Variants in TXNDC11 observed in about 807,000 individuals in gnomAD.
TXNDC11 encodes the protein thioredoxin domain containing 11, also known as thioredoxin domain-containing protein 11.
In TXNDC11, 68 loss-of-function variants were observed where a neutral mutation model predicts 78.0. The observed-to-expected ratio is 0.87, with a 90% CI of 0.72 to 1.07. The LOEUF is 1.07. TXNDC11 is among the 50% of genes least tolerant of loss of function. TXNDC11 has a pLI of 0.00. For missense variants in TXNDC11, 1,389 were observed against 1,221.8 expected, an observed-to-expected ratio of 1.14 and a Z score of -2.04; for synonymous variants, 571 against 495.2, an observed-to-expected ratio of 1.15 and a Z score of -2.03.
At chr16:11,716,495 G>A (rs1036910574) in intron 5 of TXNDC11, among the ~76,000 whole-genome samples, 2 of 152,132 alleles carry the variant, frequency 1.3e-5, no homozygotes, top group African/African-American at 4.8e-5. Flanking sequence ...AAGTACAAGA[G>A]AGCTGATTTC....
At position 11,698,247 on chromosome 16, in the gene TXNDC11, GA is replaced by G; in HGVS notation, c.984del (p.Arg329GlyfsTer13). 6.2e-7 allele frequency: 1 copy of G among 1,614,152 alleles called. No homozygotes were observed. On this transcript the variant is annotated frameshift_variant, in exon 7 of 12. Coordinates refer to ENST00000283033, the MANE Select transcript of TXNDC11 (RefSeq NM_015914.7). LOFTEE classifies it high-confidence loss of function. ...KWALENQETL[F>X]RWLRPHGGKS... The stretch of plus-strand genomic sequence containing the variant: ...TTGCCTCCGTGTGGCCGCAGCCACC[GA>G]AAGAGCGTCTCCTGGTTTTCTAAGG...
At chr16:11,729,879 T>C (rs890861553) in intron 4 of TXNDC11, among the ~76,000 whole-genome samples, 1 of 151,996 alleles carries the variant, frequency 6.6e-6, no homozygotes, top group Non-Finnish European at 1.5e-5. Context: ...GAAGATCACT[T>C]GAGGCCCAGA....
intron 7 of TXNDC11, among the ~76,000 whole-genome samples, chr16:11,695,788 T>G (rs2050842127): frequency 6.6e-6 from 1 of 152,044 alleles, no homozygotes; most frequent in Non-Finnish European, 1.5e-5. Flanking sequence ...ATCCCAACAC[T>G]TTAGGAGGCC....
At chr16:11,688,601 G>C in intron 8 of TXNDC11, 156 bp from the exon 9 acceptor site, 2 of 600,104 alleles carry the variant, frequency 3.3e-6, no homozygotes, top group East Asian at 5.6e-5. Flanking sequence ...AAGCTGCCCG[G>C]GTGGCATCAG....
intron 4 of TXNDC11, among the ~76,000 whole-genome samples, chr16:11,727,395 C>G (rs2051914852): frequency 6.6e-6 from 1 of 151,996 alleles, no homozygotes; most frequent in East Asian, 1.9e-4. Flanking sequence ...TATTTTGACC[C>G]AATTTTGATA....
intron 4 of TXNDC11, among the ~76,000 whole-genome samples, chr16:11,722,314 C>T (rs1232065177): frequency 6.6e-6 from 1 of 152,184 alleles, no homozygotes; most frequent in African/African-American, 2.4e-5. Flanking sequence ...TTCATTTCCA[C>T]CTGCTCATTC....
intron 5 of TXNDC11, chr16:11,703,698 C>T (rs2051098762): frequency 1.4e-6 from 1 of 702,444 alleles, no homozygotes; most frequent in East Asian, 2.7e-5. Context: ...TTTCTAAATG[C>T]CATTCTCCAG....
In TXNDC11 at chr16:11,736,174, G is replaced by A; in HGVS notation, c.314C>T (p.Ser105Phe). The change falls in exon 2 of 12, where the codon TCT becomes TTT. Residue 105 changes from serine (S) to phenylalanine (F), a missense_variant. Physicochemically the swap from Ser to Phe is radical, Grantham distance 155 (BLOSUM62 -2). Coordinates refer to ENST00000283033, the MANE Select transcript of TXNDC11 (RefSeq NM_015914.7). The part of the protein sequence containing the change: ...KPPVSFFSLR[S>F]PVLDLFQGQL... ...CCCCTGGAAGAGGTCAAGGACTGGA[G>A]ACCTCAAGGAGAAAAAGCTGACAGG... is the stretch of plus-strand genomic sequence containing the variant. 6 of 1,614,142 alleles carry A rather than the reference G, an allele frequency of 3.7e-6. No individual in the cohort carries two copies. Among genetic ancestry groups the A allele is most frequent in the Non-Finnish European group, 4.2e-6 (5 of 1,180,010 alleles).
At chr16:11,688,161 A>T in intron 9 of TXNDC11, 142 bp downstream of exon 9, 1 of 997,240 alleles carries the variant, frequency 1.0e-6, no homozygotes, top group Non-Finnish European at 1.5e-6. Context: ...AACCACATGT[A>T]ATTCATTCAC....
At chr16:11,735,142 G>T (rs2052182665) in intron 2 of TXNDC11, among the ~76,000 whole-genome samples, 1 of 152,226 alleles carries the variant, frequency 6.6e-6, no homozygotes, top group Non-Finnish European at 1.5e-5. Context: ...ACTGAGAGCA[G>T]AAAGGGCTTT....
In TXNDC11 at chr16:11,730,653, T is replaced by G. The variant is rs140898293; in HGVS notation, c.691A>C (p.Asn231His). The G allele has an allele frequency of 6.2e-7, 1 of 1,613,502 alleles. No homozygotes were observed. The highest frequency in any genetic ancestry group is 8.5e-7 in the Non-Finnish European group (1 of 1,179,642). Residue 231 changes from asparagine (N) to histidine (H), a missense_variant, in exon 4 of 12, where the codon AAC (asparagine) becomes CAC (histidine). Transcript: ENST00000283033. ...ATATGAAAGACAAGTACCTCGTAGT[T>G]TGAGAGAAAATCTAGTAATTCTGAT... is the stretch of plus-strand genomic sequence containing the variant. ...SQSELLDFLSNYEPGVLGYFE... is the reference protein window; with the variant it reads ...SQSELLDFLSHYEPGVLGYFE...
At chr16:11,741,429 C>T (rs565051830) in intron 1 of TXNDC11, among the ~76,000 whole-genome samples, 31 of 152,280 alleles carry the variant, frequency 2.0e-4, no homozygotes, top group Non-Finnish European at 4.1e-4. Context: ...ACACCCCAGC[C>T]TACTGTCAGG....
chr16:11,723,397 C>T (rs1003686961), intron 4 of TXNDC11, among the ~76,000 whole-genome samples: 1 of 152,048 alleles, frequency 6.6e-6, no homozygotes, highest in Admixed American at 6.6e-5. Context: ...CCAGCCTGGC[C>T]GATATGGTGG....
intron 1 of TXNDC11, among the ~76,000 whole-genome samples, chr16:11,740,906 CAG>C (rs1443384113): frequency 3.9e-5 from 6 of 152,180 alleles, no homozygotes; most frequent in African/African-American, 1.4e-4. Context: ...TTCATGGAAA[CAG>C]TGGTTCCCAA....
At chr16:11,683,123 A>T (rs531727451) in intron 11 of TXNDC11, among the ~76,000 whole-genome samples, 59 of 152,334 alleles carry the variant, frequency 3.9e-4, no homozygotes, top group African/African-American at 1.4e-3. Flanking sequence ...ATAAAAAGGG[A>T]GCAAACATCC....
intron 5 of TXNDC11, among the ~76,000 whole-genome samples, chr16:11,717,034 G>A (rs931202465): frequency 1.3e-5 from 2 of 151,322 alleles, no homozygotes; most frequent in Non-Finnish European, 2.9e-5. Flanking sequence ...GTAAAGCCAG[G>A]GAGCATAAAG....
At chr16:11,700,127 A>C (rs1486057991) in intron 6 of TXNDC11, among the ~76,000 whole-genome samples, 2 of 152,252 alleles carry the variant, frequency 1.3e-5, no homozygotes, top group African/African-American at 4.8e-5. Flanking sequence ...CTAGCTTCTG[A>C]AAACACGGGC....
chr16:11,742,381 T>A, intron 1 of TXNDC11, 96 bp downstream of exon 1: 2 of 1,067,800 alleles, frequency 1.9e-6, no homozygotes, highest in Non-Finnish European at 2.5e-6. Context: ...AGGCCCGACT[T>A]CCCCGGCTGA....
At chr16:11,718,328 C>T (rs2051604403) in intron 5 of TXNDC11, among the ~76,000 whole-genome samples, 1 of 152,146 alleles carries the variant, frequency 6.6e-6, no homozygotes, top group Non-Finnish European at 1.5e-5. Flanking sequence ...TGCTGGTAGC[C>T]AGCTGAACCA....
Sources: allele counts gnomAD v4.1 joint callset (sites outside exome capture counted in the v4.1 genomes callset), GRCh38; gene constraint gnomAD v4.1.1; transcripts MANE v1.5; gene names NCBI Gene and HGNC (gene_info 2026-07-23, HGNC 2026-07-21).